CALCRL: variants seen among roughly 807,000 people sequenced by gnomAD.
CALCRL encodes calcitonin receptor like receptor.
CALCRL carries 27 observed loss-of-function variants against 60.4 expected under a neutral mutation model. The ratio of observed to expected loss-of-function variants is 0.45; its 90% CI spans 0.33 to 0.62. CALCRL has a LOEUF of 0.62. CALCRL is among the 20% of genes least tolerant of loss of function. The probability of loss-of-function intolerance (pLI) is 0.03; values close to 1 mark genes in which losing one functional copy is unlikely to be tolerated. For synonymous variants in CALCRL, 190 were observed against 182.6 expected, an observed-to-expected ratio of 1.04 and a Z score of -0.33; for missense variants, 424 against 540.7, an observed-to-expected ratio of 0.78 and a Z score of 2.14.
At chr2:187,390,360 A>G (rs1159061020) in intron 1 of CALCRL, among the ~76,000 whole-genome samples, 1 of 152,162 alleles carries the variant, frequency 6.6e-6, no homozygotes, top group East Asian at 1.9e-4. Context: ...CTATGTAAAA[A>G]TCACGTATGT....
At chr2:187,372,308 A>G (rs556969919) in intron 8 of CALCRL, among the ~76,000 whole-genome samples, 5 of 141,870 alleles carry the variant, frequency 3.5e-5, no homozygotes, top group African/African-American at 1.3e-4. Context: ...AACTAATTCC[A>G]GTAGAGTTTA....
intron 1 of CALCRL, among the ~76,000 whole-genome samples, chr2:187,409,984 T>A (rs1273444928): frequency 6.6e-6 from 1 of 152,172 alleles, no homozygotes; most frequent in Non-Finnish European, 1.5e-5. Flanking sequence ...GGGAGTTTGA[T>A]GACTTGTTAA....
intron 8 of CALCRL, among the ~76,000 whole-genome samples, chr2:187,367,114 C>G (rs191962860): frequency 3.6e-4 from 54 of 152,108 alleles, no homozygotes; most frequent in Middle Eastern, 6.8e-3. Flanking sequence ...AAAACAAGTT[C>G]TTAAGAAGAT....
rs1268389495 is a variant in CALCRL at position 187,383,291 on chromosome 2, T to C, written c.66A>G (p.Ala22=). The C allele has an allele frequency of 2.5e-6, 4 of 1,600,242 alleles. No individual in the cohort carries two copies. The highest frequency in any genetic ancestry group is 3.4e-6 in the Non-Finnish European group (4 of 1,175,646). Residue 22 remains alanine, a synonymous_variant, in exon 5 of 15, where the codon GCA becomes GCG. Transcript: ENST00000392370. ...AGTCCTCAGGACTCTCTTCTAATTC[T>C]GCTGTAACAAGAATCTAAGGGATTA... ...LLPFFMILVT[A]ELEESPEDSI... is the part of the protein sequence containing the mutation.
At chr2:187,416,546 G>C (rs1689618287) in intron 1 of CALCRL, among the ~76,000 whole-genome samples, 1 of 152,072 alleles carries the variant, frequency 6.6e-6, no homozygotes, top group African/African-American at 2.4e-5. Flanking sequence ...AGAAGAGCTA[G>C]AAATAAGACA....
At chr2:187,406,450 ATATCT>A (rs1269071453) in intron 1 of CALCRL, among the ~76,000 whole-genome samples, 4 of 152,134 alleles carry the variant, frequency 2.6e-5, no homozygotes, top group African/African-American at 7.2e-5. Flanking sequence ...ATCATAAAAC[ATATCT>A]TAGGTGAATT....
At chr2:187,440,718 G>A (rs1392198031) in intron 1 of CALCRL, among the ~76,000 whole-genome samples, 1 of 151,956 alleles carries the variant, frequency 6.6e-6, no homozygotes, top group Non-Finnish European at 1.5e-5. Flanking sequence ...GTTAATTTTG[G>A]TGTGTATTTA....
At chr2:187,363,118 T>C (rs2105734256) in intron 9 of CALCRL, among the ~76,000 whole-genome samples, 1 of 152,250 alleles carries the variant, frequency 6.6e-6, no homozygotes, top group East Asian at 1.9e-4. Flanking sequence ...CACTTTTTTA[T>C]GTTCACTCTG....
chr2:187,366,023 C>G (rs1687260849), intron 8 of CALCRL, among the ~76,000 whole-genome samples: 1 of 150,600 alleles, frequency 6.6e-6, no homozygotes. Flanking sequence ...GCGGGTGGAT[C>G]ATGAGGTCAG....
At chr2:187,397,320 A>G (rs1688704333) in intron 1 of CALCRL, among the ~76,000 whole-genome samples, 1 of 151,540 alleles carries the variant, frequency 6.6e-6, no homozygotes. Context: ...TCATTTAAGT[A>G]GTTATGAAAA....
chr2:187,346,655 C>A (rs1342578284), intron 14 of CALCRL, among the ~76,000 whole-genome samples: 1 of 151,266 alleles, frequency 6.6e-6, no homozygotes, highest in Non-Finnish European at 1.5e-5. Context: ...GTCTTCAAAG[C>A]TTTTATAATT....
chr2:187,427,458 T>C lies in CALCRL; in HGVS notation c.-293+20581A>G, dbSNP rs535385832. Among the ~76,000 whole-genome samples, 44 of 152,276 alleles carry C rather than the reference T, an allele frequency of 2.9e-4. No individual in the cohort carries two copies. In the South Asian group the frequency reaches 8.3e-3, roughly 29 times the overall value. On this transcript the variant is annotated intron_variant, in intron 1 of 14. Coordinates refer to ENST00000392370, the MANE Select transcript of CALCRL (RefSeq NM_005795.6). ...GGATAAGACATTCATCCTACTTTAA[T>C]GTAAAACAAATTTGAAAAGAAAAAA...
chr2:187,390,188 T>G (rs189272750), intron 1 of CALCRL, among the ~76,000 whole-genome samples: 10 of 152,260 alleles, frequency 6.6e-5, no homozygotes, highest in Non-Finnish European at 1.3e-4. Context: ...ATTACTTAGA[T>G]GTTAAATAAA....
intron 4 of CALCRL, 144 bp downstream of exon 4, chr2:187,385,401 C>T (rs925926797): frequency 8.8e-5 from 49 of 557,016 alleles, no homozygotes; most frequent in African/African-American, 8.2e-4. Context: ...AAGCATACAC[C>T]GAATGAAAAC....
chr2:187,342,863 C>G lies in CALCRL; in HGVS notation c.*3321G>C, dbSNP rs750220337. On this transcript the variant is annotated 3_prime_UTR_variant, in exon 15 of 15. Transcript: ENST00000392370. ...TTCCTTCATTAATTAATGAGTTAAA[C>G]GAAATCTTTGAAACATTTTCATTTT... is the stretch of plus-strand genomic sequence containing the variant. 2.6e-5 allele frequency among the ~76,000 whole-genome samples: 4 copies of G among 151,322 alleles called. No individual in the cohort carries two copies. Among genetic ancestry groups the G allele is most frequent in the Non-Finnish European group, 4.4e-5 (3 of 67,546 alleles).
intron 1 of CALCRL, among the ~76,000 whole-genome samples, chr2:187,443,078 G>T (rs1690997772): frequency 6.6e-6 from 1 of 151,746 alleles, no homozygotes; most frequent in African/African-American, 2.4e-5. Flanking sequence ...ATTTTAAAGT[G>T]CTCAAGTTCT....
intron 1 of CALCRL, among the ~76,000 whole-genome samples, chr2:187,443,588 A>G (rs1691028510): frequency 6.6e-6 from 1 of 151,766 alleles, no homozygotes; most frequent in Non-Finnish European, 1.5e-5. Context: ...GTACATTGGT[A>G]TATTTGTAGA....
intron 1 of CALCRL, among the ~76,000 whole-genome samples, chr2:187,389,158 C>G (rs962851640): frequency 2.0e-5 from 3 of 151,336 alleles, no homozygotes; most frequent in Non-Finnish European, 4.4e-5. Flanking sequence ...CTGCAATCTC[C>G]GTCTTGCAGG....
At chr2:187,400,991 G>T (rs1288310335) in intron 1 of CALCRL, among the ~76,000 whole-genome samples, 2 of 151,380 alleles carry the variant, frequency 1.3e-5, no homozygotes, top group Non-Finnish European at 3.0e-5. Flanking sequence ...ACAAACCATT[G>T]AATTGTATTC....
Sources: allele counts gnomAD v4.1 joint callset (sites outside exome capture counted in the v4.1 genomes callset), GRCh38; gene constraint gnomAD v4.1.1; transcripts MANE v1.5; gene names NCBI Gene and HGNC (gene_info 2026-07-23, HGNC 2026-07-21).